Variants in TSHZ2 observed in about 807,000 individuals in gnomAD.
TSHZ2 encodes teashirt zinc finger homeobox 2.
A neutral mutation model predicts 74.4 loss-of-function variants in TSHZ2; 21 were observed. The ratio of observed to expected loss-of-function variants is 0.28; its 90% CI spans 0.20 to 0.41. TSHZ2 has a LOEUF of 0.41. Ranked by LOEUF, TSHZ2 falls within the 10% of genes least tolerant of loss-of-function variation. The probability of loss-of-function intolerance (pLI) is 1.00; values close to 1 mark genes in which losing one functional copy is unlikely to be tolerated. For synonymous variants in TSHZ2, 540 were observed against 515.3 expected (o/e 1.05, Z -0.65); for missense variants, 1,244 against 1,293.5 (o/e 0.96, Z 0.59).
At chr20:53,105,990 A>G (rs1458253408) in intron 1 of TSHZ2, among the ~76,000 whole-genome samples, 2 of 152,180 alleles carry the variant, frequency 1.3e-5, no homozygotes, top group African/African-American at 2.4e-5. Context: ...GTACATATTT[A>G]TGGGGTACGA....
chr20:53,469,656 G>GATA (rs1985711428), intron 2 of TSHZ2, among the ~76,000 whole-genome samples: 1 of 76,314 alleles, frequency 1.3e-5, no homozygotes, highest in Non-Finnish European at 2.8e-5. Flanking sequence ...AAGGAAGGAA[G>GATA]GAAGGAAGGA....
chr20:53,215,961 G>A (rs1989425984), intron 1 of TSHZ2, among the ~76,000 whole-genome samples: 2 of 151,944 alleles, frequency 1.3e-5, no homozygotes, highest in Non-Finnish European at 2.9e-5. Flanking sequence ...CTAGGGTTGA[G>A]CTCCTGCCCT....
chr20:53,169,692 T>G (rs1988147345), intron 1 of TSHZ2, among the ~76,000 whole-genome samples: 1 of 152,176 alleles, frequency 6.6e-6, no homozygotes, highest in African/African-American at 2.4e-5. Context: ...CCCCTCCCCT[T>G]TTTAAACAGA....
intron 1 of TSHZ2, among the ~76,000 whole-genome samples, chr20:53,095,600 A>G (rs2123274664): frequency 6.6e-6 from 1 of 152,318 alleles, no homozygotes; most frequent in East Asian, 1.9e-4. Flanking sequence ...TTGCTCCCCA[A>G]GGCTTGATTT....
At chr20:53,057,181 C>T (rs992965819) in intron 1 of TSHZ2, among the ~76,000 whole-genome samples, 1 of 152,240 alleles carries the variant, frequency 6.6e-6, no homozygotes, top group Non-Finnish European at 1.5e-5. Context: ...AACTGTGAGT[C>T]TGTTAAACCT....
At chr20:53,436,495 G>A (rs1238891527) in intron 2 of TSHZ2, among the ~76,000 whole-genome samples, 2 of 151,006 alleles carry the variant, frequency 1.3e-5, no homozygotes, top group South Asian at 2.1e-4. Flanking sequence ...AAGATGCCAC[G>A]GATCTGGCCC....
Position 53,490,492 on chromosome 20 carries a change from G to A in TSHZ2, c.*3357G>A, listed in dbSNP as rs1986417772. On this transcript the variant is annotated 3_prime_UTR_variant, in exon 3 of 3. Transcript: ENST00000371497. Reference sequence around the variant, plus strand: ...CAAAATATTAGTATTTCAGAATAAGGATTTTTTTTCTGAAAAGCATACAGA... The same window carrying A: ...CAAAATATTAGTATTTCAGAATAAGAATTTTTTTTCTGAAAAGCATACAGA... 1 of 152,146 alleles carries A rather than the reference G, an allele frequency of 6.6e-6. No individual in the cohort carries two copies. Among genetic ancestry groups the A allele is most frequent in the Non-Finnish European group, 1.5e-5 (1 of 68,020 alleles). The allele number at this position is 152,146 out of a possible 1,614,324, so 9.4% of individuals were successfully genotyped here.
chr20:53,040,794 T>C (rs1375098942), intron 1 of TSHZ2, among the ~76,000 whole-genome samples: 2 of 152,142 alleles, frequency 1.3e-5, no homozygotes, highest in Non-Finnish European at 2.9e-5. Flanking sequence ...GATCCCACAG[T>C]GGGGCCCAGG....
At chr20:53,204,098 G>GATATACTATTATATCATC (rs1989080470) in intron 1 of TSHZ2, among the ~76,000 whole-genome samples, 41 of 98,004 alleles carry the variant, frequency 4.2e-4, no homozygotes, top group Non-Finnish European at 5.7e-4. Flanking sequence ...ATCATATGAT[G>GATATACTATTATATCATC]ATATGATATA....
In TSHZ2 at chr20:52,999,431, C is replaced by A. The variant is rs573789854; in HGVS notation, c.40+26098C>A. Among the ~76,000 whole-genome samples, 33 of 152,296 alleles carry A rather than the reference C, an allele frequency of 2.2e-4. 1 individual carries two copies. The highest frequency in any genetic ancestry group is 2.0e-3 in the Admixed American group (31 of 15,300). ...GGGAAGGGGGCTATAAACCATAGAGCCTTTGCCTCCTTCATTTTTGTATCT... is the reference window on the plus strand; with the variant it reads ...GGGAAGGGGGCTATAAACCATAGAGACTTTGCCTCCTTCATTTTTGTATCT... On this transcript the variant is annotated intron_variant, in intron 1 of 2. Transcript: ENST00000371497.
intron 2 of TSHZ2, among the ~76,000 whole-genome samples, chr20:53,462,564 T>C (rs1231039356): frequency 6.6e-6 from 1 of 152,228 alleles, no homozygotes; most frequent in Admixed American, 6.5e-5. Flanking sequence ...GGGAACCTTC[T>C]ACGCAAGCTT....
chr20:53,373,479 A>G (rs1378346107), intron 2 of TSHZ2, among the ~76,000 whole-genome samples: 4 of 152,128 alleles, frequency 2.6e-5, no homozygotes, highest in Non-Finnish European at 4.4e-5. Flanking sequence ...GTTTGTTTGC[A>G]TTTAGCACAT....
chr20:53,309,004 G>A (rs541286981), intron 2 of TSHZ2, among the ~76,000 whole-genome samples: 19 of 152,218 alleles, frequency 1.2e-4, no homozygotes, highest in Admixed American at 9.8e-4. Context: ...AAGACTGAAG[G>A]CCATTCAGGT....
intron 1 of TSHZ2, among the ~76,000 whole-genome samples, chr20:52,978,478 G>C (rs868292010): frequency 6.6e-6 from 1 of 151,964 alleles, no homozygotes; most frequent in Non-Finnish European, 1.5e-5. Context: ...CCACTATTTC[G>C]AAGGCAATGC....
chr20:53,414,263 G>C (rs554447134), intron 2 of TSHZ2, among the ~76,000 whole-genome samples: 2 of 152,288 alleles, frequency 1.3e-5, no homozygotes, highest in Admixed American at 6.5e-5. Flanking sequence ...TATTTTTGTA[G>C]TGTTTGACTT....
intron 1 of TSHZ2, among the ~76,000 whole-genome samples, chr20:53,240,523 AC>A (rs1227339935): frequency 6.6e-6 from 1 of 152,084 alleles, no homozygotes; most frequent in Non-Finnish European, 1.5e-5. Context: ...CCTAAGGGTC[AC>A]TCAAAGGTGT....
At chr20:53,285,926 G>A (rs1446637619) in intron 2 of TSHZ2, among the ~76,000 whole-genome samples, 1 of 152,140 alleles carries the variant, frequency 6.6e-6, no homozygotes, top group Admixed American at 6.5e-5. Flanking sequence ...CAGGGAGTAG[G>A]ACAGAAATGA....
intron 1 of TSHZ2, among the ~76,000 whole-genome samples, chr20:53,005,316 G>GTAAATAAA (rs34102349): frequency 6.9e-4 from 105 of 151,950 alleles, no homozygotes; most frequent in Non-Finnish European, 1.1e-3. Flanking sequence ...TGTCTCAAAA[G>GTAAATAAA]TAAATAAATA....
chr20:53,102,577 A>G (rs1261388609), intron 1 of TSHZ2, among the ~76,000 whole-genome samples: 2 of 152,192 alleles, frequency 1.3e-5, no homozygotes, highest in Non-Finnish European at 2.9e-5. Flanking sequence ...TACGGAGAGT[A>G]GAAACAACCT....
Sources: allele counts gnomAD v4.1 joint callset (sites outside exome capture counted in the v4.1 genomes callset), GRCh38; gene constraint gnomAD v4.1.1; transcripts MANE v1.5; gene names NCBI Gene and HGNC (gene_info 2026-07-23, HGNC 2026-07-21).